Variants in AMHR2 observed in about 807,000 individuals in gnomAD.
AMHR2 encodes anti-Muellerian hormone type-2 receptor.
AMHR2 carries 36 observed loss-of-function variants against 61.4 expected under a neutral mutation model. The observed-to-expected ratio is 0.59, with a 90% confidence interval of 0.45 to 0.77. The LOEUF (loss-of-function observed/expected upper bound fraction) is 0.77. Ranked by LOEUF, AMHR2 falls within the 30% of genes least tolerant of loss-of-function variation. AMHR2 has a pLI of 0.00. For synonymous variants in AMHR2, 258 were observed against 279.4 expected (o/e 0.92, Z 0.76); for missense variants, 638 against 714.6 (o/e 0.89, Z 1.22).
chr12:53,428,112 C>A (rs1939778976), intron 6 of AMHR2, among the ~76,000 whole-genome samples: 1 of 152,230 alleles, frequency 6.6e-6, no homozygotes, highest in Non-Finnish European at 1.5e-5. Context: ...TGTTTAATTT[C>A]TCTGACTTCT....
Position 53,429,398 on chromosome 12 carries a change from A to T in AMHR2, c.968-55A>T, listed in dbSNP as rs1565838139. 6.9e-6 allele frequency: 11 copies of T among 1,585,820 alleles called. No individual in the cohort carries two copies. In the Admixed American group the frequency reaches 8.3e-5, roughly 12 times the overall value. The stretch of plus-strand genomic sequence containing the variant: ...CAGAGCGAGACGCCGACTCAAAAAA[A>T]AAAAAAGAGGGAGGAAGAAAATCCA... On this transcript the variant is annotated intron_variant, in intron 7 of 10. Coordinates refer to ENST00000257863, the MANE Select transcript of AMHR2 (RefSeq NM_020547.3).
chr12:53,425,019 G>A (rs1939428137), intron 3 of AMHR2, 119 bp downstream of exon 3: 15 of 1,568,806 alleles, frequency 9.6e-6, no homozygotes, highest in African/African-American at 1.3e-5. Flanking sequence ...CCTGGCCTTG[G>A]GAAGTTGGTT....
chr12:53,425,862 G>A lies in AMHR2; in HGVS notation c.795G>A (p.Arg265=). Residue 265 remains arginine, a synonymous_variant, in exon 6 of 11, where the codon CGG becomes CGA. Transcript: ENST00000257863. ...DHIVRFITAS[R]GGPGRLLSGP... is the part of the protein sequence containing the mutation. ...TTGTCCGATTTATCACTGCCAGCCG[G>A]GGGGGTCCTGGCCGCCTGCTCTCTG... The A allele has an allele frequency of 6.2e-7, 1 of 1,614,056 alleles. No homozygotes were observed. Among genetic ancestry groups the A allele is most frequent in the South Asian group, 1.1e-5 (1 of 91,082 alleles).
chr12:53,431,054 C>A lies in AMHR2; in HGVS notation c.1426-123C>A, dbSNP rs577256850. Reference sequence around the variant, plus strand: ...TTCAGCAAGAGGGAGAGGAGGGAGGCTCCAGGAAAGATCAGAAGTGGATGT... The same window carrying A: ...TTCAGCAAGAGGGAGAGGAGGGAGGATCCAGGAAAGATCAGAAGTGGATGT... On this transcript the variant is annotated intron_variant, in intron 10 of 10. Coordinates refer to ENST00000257863, the MANE Select transcript of AMHR2 (RefSeq NM_020547.3). 136 of 1,249,470 alleles carry A rather than the reference C, an allele frequency of 1.1e-4. No individual in the cohort carries two copies. The African/African-American group carries it at 1.8e-3, about 17-fold the overall frequency. 77.4% of individuals were successfully genotyped at this position (1,249,470 alleles called of 1,614,324 possible). A position where few individuals can be genotyped will look rare whatever the true frequency, so the allele number is the denominator to read the frequency against.
chr12:53,424,073 G>A (rs1350200558), intron 1 of AMHR2, 90 bp downstream of exon 1: 8 of 1,507,390 alleles, frequency 5.3e-6, no homozygotes, highest in Middle Eastern at 3.4e-4. Flanking sequence ...TTGGAAGAGT[G>A]GTGAGTGGGC....
chr12:53,430,388 C>A, intron 10 of AMHR2, 106 bp downstream of exon 10: 1 of 1,557,266 alleles, frequency 6.4e-7, no homozygotes, highest in South Asian at 1.1e-5. Context: ...CTCCACTTAT[C>A]TCCCATCACT....
In AMHR2 at chr12:53,423,865, A is replaced by C. The variant is rs1396037283; in HGVS notation, c.-70A>C. 1 of 1,560,812 alleles carries C rather than the reference A, an allele frequency of 6.4e-7. No homozygotes were observed. Among genetic ancestry groups the C allele is most frequent in the Non-Finnish European group, 8.8e-7 (1 of 1,133,242 alleles). Reference sequence around the variant, plus strand: ...GCCCCAGGATGCCCTGTATCTGAAGAAAGATTTGGCCAGGGGCAGCTGTGC... The same window carrying C: ...GCCCCAGGATGCCCTGTATCTGAAGCAAGATTTGGCCAGGGGCAGCTGTGC... On this transcript the variant is annotated 5_prime_UTR_variant, in exon 1 of 11. Coordinates refer to ENST00000257863, the MANE Select transcript of AMHR2 (RefSeq NM_020547.3).
At chr12:53,425,954 G>A in intron 6 of AMHR2, 35 bp downstream of exon 6, 1 of 1,580,442 alleles carries the variant, frequency 6.3e-7, no homozygotes, top group South Asian at 1.1e-5. Flanking sequence ...GTGTGTGTGT[G>A]CCTGTGTGTA....
At position 53,431,357 on chromosome 12, in the gene AMHR2, A is replaced by T; in HGVS notation, c.1606A>T (p.Ile536Phe). The T allele has an allele frequency of 6.2e-7, 1 of 1,614,234 alleles. No individual in the cohort carries two copies. The highest frequency in any genetic ancestry group is 8.5e-7 in the Non-Finnish European group (1 of 1,180,044). ...TCTCTGCCCAGAAGACTGTACTTCA[A>T]TTCCTGCCCCTACCATCCTCCCCTG... is the stretch of plus-strand genomic sequence containing the variant. ...PPLCPEDCTS[I>F]PAPTILPCRP... Residue 536 changes from isoleucine to phenylalanine, a missense_variant, in exon 11 of 11, where the codon ATT becomes TTT. Transcript: ENST00000257863.
intron 6 of AMHR2, 47 bp downstream of exon 6, chr12:53,425,966 G>C: frequency 6.4e-7 from 1 of 1,561,276 alleles, no homozygotes; most frequent in East Asian, 2.2e-5. Flanking sequence ...CTGTGTGTAT[G>C]TATAGAGGTG....
chr12:53,425,889 G>C lies in AMHR2; in HGVS notation c.822G>C (p.Gly274=), dbSNP rs1247548713. Residue 274 remains glycine, a synonymous_variant, in exon 6 of 11, where the codon GGG becomes GGC. Transcript: ENST00000257863. ...SRGGPGRLLS[G]PLLVLELHPK... is the part of the protein sequence containing the mutation. Reference sequence around the variant, plus strand: ...GGGGTCCTGGCCGCCTGCTCTCTGGGCCCCTGCTGGTACTGGAACTGCATC... The same window carrying C: ...GGGGTCCTGGCCGCCTGCTCTCTGGCCCCCTGCTGGTACTGGAACTGCATC... 6.2e-7 allele frequency: 1 copy of C among 1,613,998 alleles called. No individual in the cohort carries two copies. The highest frequency in any genetic ancestry group is 1.7e-5 in the Admixed American group (1 of 59,996).
rs190352864 is a variant in AMHR2 at position 53,430,103 on chromosome 12, C to A, written c.1289-43C>A. Reference sequence around the variant, plus strand: ...TCTTGCCCTTTCTACATGGTAGGCACCCCTAGGACTAACTGATACCCAGCC... The same window carrying A: ...TCTTGCCCTTTCTACATGGTAGGCAACCCTAGGACTAACTGATACCCAGCC... On this transcript the variant is annotated intron_variant, in intron 9 of 10. Coordinates refer to ENST00000257863, the MANE Select transcript of AMHR2 (RefSeq NM_020547.3). 244 of 1,614,120 alleles carry A rather than the reference C, an allele frequency of 1.5e-4. No homozygotes were observed. In the African/African-American group the frequency reaches 2.9e-3, roughly 19 times the overall value.
At chr12:53,427,274 G>A (rs1939695247) in intron 6 of AMHR2, among the ~76,000 whole-genome samples, 1 of 152,228 alleles carries the variant, frequency 6.6e-6, no homozygotes. Context: ...GCAACAAGAA[G>A]AGGAAAAGGT....
intron 5 of AMHR2, 34 bp downstream of exon 5, chr12:53,425,607 G>T: frequency 6.2e-7 from 1 of 1,612,946 alleles, no homozygotes; most frequent in Non-Finnish European, 8.5e-7. Context: ...GCTCCTCTGG[G>T]CACTCCTGGA....
chr12:53,425,082 A>G, intron 3 of AMHR2, 83 bp from the exon 4 acceptor site: 1 of 1,604,550 alleles, frequency 6.2e-7, no homozygotes, highest in African/African-American at 1.3e-5. Flanking sequence ...GGGTGGGTTG[A>G]GACGCAAGCT....
At position 53,431,434 on chromosome 12, in the gene AMHR2, C is replaced by T. The variant is rs758812433; in HGVS notation, c.1683C>T (p.Ser561=). The T allele has an allele frequency of 6.2e-7, 1 of 1,614,224 alleles. No individual in the cohort carries two copies. Among genetic ancestry groups the T allele is most frequent in the Non-Finnish European group, 8.5e-7 (1 of 1,180,042 alleles). Residue 561 remains serine (S), a synonymous_variant, in exon 11 of 11, where the codon TCC becomes TCT. Transcript: ENST00000257863. ...CHFSVQQGPC[S]RNPQPACTLS... ...TCAGCGTTCAGCAAGGCCCTTGTTC[C>T]AGGAATCCTCAGCCTGCCTGTACCC... is the stretch of plus-strand genomic sequence containing the variant.
rs1233985046 is a variant in AMHR2 at position 53,425,711 on chromosome 12, CA to C, written c.645del (p.Val216TrpfsTer76). ...CAGGTAATCCGGGAAGGAGGTCATG[CA>C]GTGGTTTGGGCCGGGCAGCTGCAAG... The part of the protein sequence containing the change: ...FSQVIREGGH[A>X]VVWAGQLQGK... On this transcript the variant is annotated frameshift_variant, in exon 6 of 11. Transcript: ENST00000257863. LOFTEE classifies it high-confidence loss of function. The C allele has an allele frequency of 1.9e-6, 3 of 1,614,172 alleles. No individual in the cohort carries two copies. Among genetic ancestry groups the C allele is most frequent in the Non-Finnish European group, 2.5e-6 (3 of 1,180,026 alleles).
chr12:53,431,648 G>T lies in AMHR2; in HGVS notation c.*175G>T, dbSNP rs576018224. 75 of 778,704 alleles carry T rather than the reference G, an allele frequency of 9.6e-5. No homozygotes were observed. Among genetic ancestry groups the T allele is most frequent in the South Asian group, 9.2e-4 (58 of 63,172 alleles). 48.2% of individuals were successfully genotyped at this position (778,704 alleles called of 1,614,324 possible). ...TTGGGGTAGGTGTGCACAGGAAAGA[G>T]AATAAAGTCAGCTTTCCTGATGCAT... On this transcript the variant is annotated 3_prime_UTR_variant, in exon 11 of 11. Transcript: ENST00000257863.
Position 53,424,272 on chromosome 12 carries a change from C to G in AMHR2, c.50-16C>G. On this transcript the variant is annotated splice_polypyrimidine_tract_variant and intron_variant, in intron 1 of 10. Transcript: ENST00000257863. The stretch of plus-strand genomic sequence containing the variant: ...TCCCACCTTGAATCTTTTCCTTTCC[C>G]CACCCTGGGCCTCAGCACCCCCAAA... The G allele has an allele frequency of 6.2e-7, 1 of 1,612,218 alleles. No individual in the cohort carries two copies. Among genetic ancestry groups the G allele is most frequent in the East Asian group, 2.2e-5 (1 of 44,878 alleles).
Sources: gnomAD v4.1 joint callset for allele counts (sites outside exome capture counted in the v4.1 genomes callset) on GRCh38, gnomAD v4.1.1 for gene constraint, MANE v1.5 for transcripts, NCBI Gene and HGNC (gene_info 2026-07-23, HGNC 2026-07-21) for gene names.